The following WWOX variants were observed in gnomAD, a reference collection of about 807,000 sequenced individuals.
The protein encoded by WWOX is WW domain-containing oxidoreductase.
Under a neutral mutation model 46.2 loss-of-function variants are expected in WWOX, and 69 were observed. The observed-to-expected ratio is 1.49, with a 90% CI of 1.23 to 1.82. The LOEUF (loss-of-function observed/expected upper bound fraction) is 1.82. WWOX is among the 40% of genes most tolerant of loss of function. The pLI is 0.00. For missense variants in WWOX, 919 were observed against 542.6 expected (o/e 1.69, Z -6.89); for synonymous variants, 359 against 202.6 (o/e 1.77, Z -6.56).
At chr16:78,314,515 C>A (rs1430934087) in intron 5 of WWOX, among the ~76,000 whole-genome samples, 4 of 147,254 alleles carry the variant, frequency 2.7e-5, no homozygotes, top group African/African-American at 1.0e-4. Context: ...AGGATGGTGC[C>A]AATTTGTGGG....
chr16:79,049,115 G>T (rs1378517565), intron 8 of WWOX, among the ~76,000 whole-genome samples: 1 of 152,220 alleles, frequency 6.6e-6, no homozygotes, highest in African/African-American at 2.4e-5. Context: ...TCTGCAAACA[G>T]CTAGATAGCA....
At chr16:78,261,500 A>G (rs983233720) in intron 5 of WWOX, among the ~76,000 whole-genome samples, 1 of 150,454 alleles carries the variant, frequency 6.6e-6, no homozygotes, top group South Asian at 2.1e-4. Context: ...CTCAAATTCC[A>G]TTTCTCTTCT....
At chr16:78,412,283 G>T (rs964806406) in intron 6 of WWOX, among the ~76,000 whole-genome samples, 1 of 152,158 alleles carries the variant, frequency 6.6e-6, no homozygotes, top group Non-Finnish European at 1.5e-5. Flanking sequence ...GTATCAGGAC[G>T]GGGAGGAGAT....
intron 8 of WWOX, among the ~76,000 whole-genome samples, chr16:79,063,802 G>T (rs555410101): frequency 4.6e-5 from 7 of 152,332 alleles, no homozygotes; most frequent in African/African-American, 1.7e-4. Flanking sequence ...ATCCATTTCT[G>T]TGGGACCTAA....
chr16:78,822,672 G>C (rs1193397135), intron 8 of WWOX, among the ~76,000 whole-genome samples: 1 of 152,152 alleles, frequency 6.6e-6, no homozygotes, highest in East Asian at 1.9e-4. Flanking sequence ...TCCATGATGA[G>C]AGTTACATTG....
intron 8 of WWOX, among the ~76,000 whole-genome samples, chr16:78,885,820 T>C (rs1459559727): frequency 6.6e-6 from 1 of 152,106 alleles, no homozygotes; most frequent in Non-Finnish European, 1.5e-5. Flanking sequence ...GTCTATATAT[T>C]AAAGAACAGC....
chr16:78,506,695 G>GTTTTTTTTTTTTT (rs1159884484), intron 8 of WWOX: 1 of 8,638 alleles, frequency 1.2e-4, no homozygotes, highest in Non-Finnish European at 2.6e-4. Context: ...CTTTTTGTGT[G>GTTTTTTTTTTTTT]TTTTTTTTTT....
intron 8 of WWOX, among the ~76,000 whole-genome samples, chr16:79,153,239 C>G (rs1055575568): frequency 2.0e-5 from 3 of 152,118 alleles, no homozygotes; most frequent in Admixed American, 6.5e-5. Flanking sequence ...GATTCCAGCA[C>G]TAAAGTTTGA....
intron 3 of WWOX, among the ~76,000 whole-genome samples, chr16:78,113,418 A>G (rs112336117): frequency 3.3e-5 from 5 of 152,360 alleles, no homozygotes; most frequent in African/African-American, 1.2e-4. Context: ...TAAAGCAGCT[A>G]TACACAATAT....
chr16:78,999,987 A>G (rs993740715), intron 8 of WWOX, among the ~76,000 whole-genome samples: 8 of 152,170 alleles, frequency 5.3e-5, no homozygotes, highest in Non-Finnish European at 1.2e-4. Flanking sequence ...ATGAAAAATA[A>G]TGGCATCTAT....
chr16:78,405,592 G>C (rs1230646676), intron 6 of WWOX, among the ~76,000 whole-genome samples: 1 of 152,196 alleles, frequency 6.6e-6, no homozygotes, highest in Non-Finnish European at 1.5e-5. Context: ...CAATACATAA[G>C]TATCTTATAA....
rs568244839 is a variant in WWOX, at chr16:79,137,281, T to C, written c.1057-74327T>C. ...CATGCTTCCTTTTAGAAGAAAATGA[T>C]GGTATCACATGGAGAACGAGCTGAG... On this transcript the variant is annotated intron_variant, in intron 8 of 8. Transcript: ENST00000566780. Among the ~76,000 whole-genome samples, 18 of 152,330 alleles carry C rather than the reference T, an allele frequency of 1.2e-4. No homozygotes were observed. In the South Asian group the frequency reaches 3.7e-3, roughly 32 times the overall value.
chr16:78,298,940 CCCTTTTCTTCTTCTT>C (rs777502821), intron 5 of WWOX, among the ~76,000 whole-genome samples: 1 of 146,676 alleles, frequency 6.8e-6, no homozygotes, highest in Non-Finnish European at 1.5e-5. Flanking sequence ...TTCTTATTTT[CCCTTTTCTTCTTCTT>C]CCTTTTCCTG....
intron 8 of WWOX, among the ~76,000 whole-genome samples, chr16:78,843,541 C>G (rs2052217238): frequency 6.7e-6 from 1 of 149,878 alleles, no homozygotes; most frequent in African/African-American, 2.4e-5. Context: ...CTCTTTGACA[C>G]AGAATGGTTG....
chr16:79,047,500 GCA>G (rs1240846756), intron 8 of WWOX, among the ~76,000 whole-genome samples: 2 of 151,812 alleles, frequency 1.3e-5, no homozygotes, highest in Admixed American at 1.3e-4. Flanking sequence ...TGTCGTTAAT[GCA>G]CAAATACCTG....
At chr16:78,314,584 G>A (rs2080317404) in intron 5 of WWOX, among the ~76,000 whole-genome samples, 1 of 147,544 alleles carries the variant, frequency 6.8e-6, no homozygotes, top group Admixed American at 6.7e-5. Flanking sequence ...GAGTGTAATG[G>A]CGTGATACTG....
chr16:79,199,108 G>GC (rs766991531), intron 8 of WWOX, among the ~76,000 whole-genome samples: 2 of 152,152 alleles, frequency 1.3e-5, no homozygotes, highest in African/African-American at 4.8e-5. Flanking sequence ...TGTCACCCAA[G>GC]CTGGAGTGCA....
rs140988062 is a variant in WWOX, at chr16:78,939,123, A to G, written c.1057-272485A>G. Among the ~76,000 whole-genome samples the G allele has an allele frequency of 2.6e-3, 389 of 152,326 alleles. 3 individuals are homozygous for G. The South Asian group carries it at 0.029, about 11-fold the overall frequency. On this transcript the variant is annotated intron_variant, in intron 8 of 8. Transcript: ENST00000566780. ...AGTGGCCCCGCTGGATTTTCTGCCCATTGACTTGGGCTCGAAGTCACGTCC... is the reference window on the plus strand; with the variant it reads ...AGTGGCCCCGCTGGATTTTCTGCCCGTTGACTTGGGCTCGAAGTCACGTCC...
chr16:78,292,203 G>A (rs962411217), intron 5 of WWOX, among the ~76,000 whole-genome samples: 2 of 151,276 alleles, frequency 1.3e-5, no homozygotes, highest in Non-Finnish European at 2.9e-5. Flanking sequence ...ATGTCCTTCA[G>A]TTTCTGTCTC....
Sources: gnomAD v4.1 joint callset for allele counts (sites outside exome capture counted in the v4.1 genomes callset) on GRCh38, gnomAD v4.1.1 for gene constraint, MANE v1.5 for transcripts, NCBI Gene and HGNC (gene_info 2026-07-23, HGNC 2026-07-21) for gene names.